The following CFAP61 variants were observed in gnomAD, a reference collection of about 807,000 sequenced individuals.
The protein encoded by CFAP61 is cilia and flagella associated protein 61.
CFAP61 carries 107 observed loss-of-function variants against 135.6 expected under a neutral mutation model. The observed-to-expected ratio is 0.79, with a 90% CI of 0.67 to 0.93. CFAP61 has a LOEUF of 0.93. CFAP61 is among the 40% of genes least tolerant of loss of function. The pLI is 0.00. For synonymous variants in CFAP61, 575 were observed against 578.5 expected (o/e 0.99, Z 0.09); for missense variants, 1,507 against 1,556.2 (o/e 0.97, Z 0.53).
intron 13 of CFAP61, among the ~76,000 whole-genome samples, chr20:20,183,720 G>A (rs1310213232): frequency 6.6e-6 from 1 of 152,138 alleles, no homozygotes; most frequent in Non-Finnish European, 1.5e-5. Flanking sequence ...AAGCACGAAT[G>A]AGATACTTTA....
intron 17 of CFAP61, among the ~76,000 whole-genome samples, chr20:20,213,425 G>C (rs781418276): frequency 3.3e-5 from 5 of 152,088 alleles, no homozygotes; most frequent in Non-Finnish European, 5.9e-5. Context: ...AAGCAAGCCA[G>C]TGGGCTCAGA....
rs1569210374 is a variant in CFAP61 at position 20,262,970 on chromosome 20, A to T, written c.2343A>T (p.Thr781=). Reference sequence around the variant, plus strand: ...ACATGCTTCAGGTCCCATGCCCTACAGAGGCTGATATTAGTCAACACCTGA... The same window carrying T: ...ACATGCTTCAGGTCCCATGCCCTACTGAGGCTGATATTAGTCAACACCTGA... ...TGQQYQVPCP[T]EADISQHLTN... Residue 781 remains threonine (T), a synonymous_variant, in exon 21 of 27, where the codon ACA becomes ACT. Coordinates refer to ENST00000245957, the MANE Select transcript of CFAP61 (RefSeq NM_015585.4). The T allele has an allele frequency of 1.2e-6, 2 of 1,612,944 alleles. No homozygotes were observed. Among genetic ancestry groups the T allele is most frequent in the Admixed American group, 3.3e-5 (2 of 59,898 alleles).
intron 22 of CFAP61, among the ~76,000 whole-genome samples, chr20:20,282,714 A>C (rs904677154): frequency 5.3e-5 from 8 of 152,166 alleles, no homozygotes; most frequent in Non-Finnish European, 7.3e-5. Context: ...CTAAGTGGGC[A>C]GATCACTTGA....
At chr20:20,226,373 T>C (rs916678512) in intron 17 of CFAP61, among the ~76,000 whole-genome samples, 2 of 152,218 alleles carry the variant, frequency 1.3e-5, no homozygotes, top group African/African-American at 4.8e-5. Context: ...AATCTGCAAA[T>C]TGGAGCCAGA....
Position 20,360,557 on chromosome 20 carries a change from T to C in CFAP61, c.*147T>C. The C allele has an allele frequency of 6.1e-6, 4 of 660,046 alleles. No individual in the cohort carries two copies. The highest frequency in any genetic ancestry group is 3.8e-5 in the South Asian group (2 of 52,182). The allele number at this position is 660,046 out of a possible 1,614,324, so 40.9% of individuals were successfully genotyped here. ...TTCATTCCTTTCCTTCCCTGACTTA[T>C]GCCTGTAGTTTTCTATCATCCCAGT... On this transcript the variant is annotated 3_prime_UTR_variant, in exon 27 of 27. Transcript: ENST00000245957.
intron 9 of CFAP61, among the ~76,000 whole-genome samples, chr20:20,154,995 G>T (rs1047720825): frequency 3.9e-5 from 6 of 152,096 alleles, no homozygotes; most frequent in African/African-American, 1.4e-4. Context: ...GAAGAAATCT[G>T]GAGGCATCAC....
At chr20:20,055,385 C>T (rs1020968089) in intron 1 of CFAP61, among the ~76,000 whole-genome samples, 2 of 152,144 alleles carry the variant, frequency 1.3e-5, no homozygotes, top group Admixed American at 6.6e-5. Flanking sequence ...GTAGAGAAAG[C>T]TTGTCACTTT....
chr20:20,260,799 C>T (rs2052112863), intron 20 of CFAP61, among the ~76,000 whole-genome samples: 1 of 152,164 alleles, frequency 6.6e-6, no homozygotes, highest in Non-Finnish European at 1.5e-5. Flanking sequence ...GGCTTTTTCA[C>T]TTGTTAAATC....
chr20:20,295,984 T>C, intron 24 of CFAP61, among the ~76,000 whole-genome samples: 1 of 109,438 alleles, frequency 9.1e-6, no homozygotes, highest in Non-Finnish European at 2.0e-5. Flanking sequence ...AACGCCTGCA[T>C]GCTTCCCTCC....
intron 25 of CFAP61, among the ~76,000 whole-genome samples, chr20:20,310,091 T>G (rs2056734045): frequency 6.6e-6 from 1 of 152,144 alleles, no homozygotes; most frequent in Non-Finnish European, 1.5e-5. Flanking sequence ...ACCTCCCTGG[T>G]TCAAGTGATT....
chr20:20,111,730 C>T (rs2048814513), intron 8 of CFAP61, among the ~76,000 whole-genome samples: 1 of 152,096 alleles, frequency 6.6e-6, no homozygotes, highest in South Asian at 2.1e-4. Flanking sequence ...TTTACAAAAG[C>T]ATAATGTACG....
At chr20:20,348,689 C>CAAAAAAAAAAAAAAAAAAAA (rs71198052) in intron 26 of CFAP61, among the ~76,000 whole-genome samples, 1 of 53,462 alleles carries the variant, frequency 1.9e-5, no homozygotes, top group African/African-American at 7.3e-5. Context: ...GACTCCGTAT[C>CAAAAAAAAAAAAAAAAAAAA]AAAAAAAAAA....
intron 25 of CFAP61, chr20:20,323,364 A>G (rs1224621715): frequency 3.1e-6 from 3 of 953,996 alleles, no homozygotes; most frequent in East Asian, 1.1e-4. Context: ...ATTTGTTCCT[A>G]AAAGCAAGTA....
At chr20:20,092,633 A>G (rs748545509) in intron 7 of CFAP61, among the ~76,000 whole-genome samples, 24 of 152,208 alleles carry the variant, frequency 1.6e-4, no homozygotes, top group Admixed American at 3.9e-4. Flanking sequence ...TCTCACAACA[A>G]TAGAAAAATA....
rs774135652 is a variant in CFAP61, at chr20:20,070,984, G to A, written c.274G>A (p.Asp92Asn). 60 of 1,613,966 alleles carry A rather than the reference G, an allele frequency of 3.7e-5. No individual in the cohort carries two copies. The highest frequency in any genetic ancestry group is 8.9e-5 in the East Asian group (4 of 44,884). Reference protein sequence around the residue: ...DDWVSVFRELDSDIPCTPLNT... With the variant: ...DDWVSVFRELNSDIPCTPLNT... ...CTGGGTGTCAGTGTTCCGGGAGCTC[G>A]ACAGTGACATCCCATGCACAGTAAG... The change falls in exon 3 of 27, where the codon GAC becomes AAC. Residue 92 changes from aspartate (D) to asparagine (N), a missense_variant. Transcript: ENST00000245957.
intron 6 of CFAP61, 133 bp from the exon 7 acceptor site, chr20:20,090,711 A>G: frequency 3.4e-6 from 2 of 588,026 alleles, no homozygotes; most frequent in Middle Eastern, 4.5e-4. Flanking sequence ...AAAAAAAAAA[A>G]AGAAGGAAAG....
At position 20,159,361 on chromosome 20, in the gene CFAP61, C is replaced by G. The variant is rs1273064272; in HGVS notation, c.952-9C>G. 2 of 1,613,230 alleles carry G rather than the reference C, an allele frequency of 1.2e-6. No individual in the cohort carries two copies. The highest frequency in any genetic ancestry group is 1.7e-6 in the Non-Finnish European group (2 of 1,179,350). On this transcript the variant is annotated splice_polypyrimidine_tract_variant and intron_variant, in intron 9 of 26. Transcript: ENST00000245957. ...ATTAATTTTCATGTTTTGCTGTCAT[C>G]ATTTCCAGGGAAATATTGCCAGAGA...
Position 20,096,505 on chromosome 20 carries a change from C to T in CFAP61, c.700-2150C>T, listed in dbSNP as rs115225225. Among the ~76,000 whole-genome samples the T allele has an allele frequency of 9.9e-3, 1,507 of 152,358 alleles. 27 individuals carry two copies. The highest frequency in any genetic ancestry group is 0.034 in the African/African-American group (1,412 of 41,566). On this transcript the variant is annotated intron_variant, in intron 7 of 26. Coordinates refer to ENST00000245957, the MANE Select transcript of CFAP61 (RefSeq NM_015585.4). ...TAGTGTAATAGCTCATTACTAACAG[C>T]GGTCTTATAAATAATACATTCTTAT...
At chr20:20,156,052 C>T in intron 9 of CFAP61, among the ~76,000 whole-genome samples, 1 of 151,776 alleles carries the variant, frequency 6.6e-6, no homozygotes, top group East Asian at 1.9e-4. Flanking sequence ...TTTATCTGCA[C>T]ATTGGGTACA....
Sources: gnomAD v4.1 joint callset for allele counts (sites outside exome capture counted in the v4.1 genomes callset) on GRCh38, gnomAD v4.1.1 for gene constraint, MANE v1.5 for transcripts, NCBI Gene and HGNC (gene_info 2026-07-23, HGNC 2026-07-21) for gene names.